Variants in SCGN observed in about 807,000 individuals in gnomAD.
SCGN encodes the protein secretagogin, EF-hand calcium binding protein.
Under a neutral mutation model 39.7 loss-of-function variants are expected in SCGN, and 30 were observed. The ratio of observed to expected loss-of-function variants is 0.76; its 90% CI spans 0.57 to 1.03. The LOEUF is 1.03. Among genes scored for constraint, SCGN ranks in the 50% least tolerant of loss-of-function variants. The pLI is 0.00. For missense variants in SCGN, 353 were observed against 349.4 expected (o/e 1.01, Z -0.08); for synonymous variants, 106 against 114.1 (o/e 0.93, Z 0.45).
In SCGN at chr6:25,689,205, A is replaced by G. The variant is rs1253111748; in HGVS notation, c.561A>G (p.Gln187=). 6.3e-7 allele frequency: 1 copy of G among 1,595,156 alleles called. No individual in the cohort carries two copies. Residue 187 remains glutamine (Q), a synonymous_variant, in exon 8 of 11, where the codon CAA becomes CAG. Coordinates refer to ENST00000377961, the MANE Select transcript of SCGN (RefSeq NM_006998.4). Reference sequence around the variant, plus strand: ...CTCTTCAGGAAAACTTCCTTCTCCAATTTAAAATGGATGTAAGTAGTGACA... The same window carrying G: ...CTCTTCAGGAAAACTTCCTTCTCCAGTTTAAAATGGATGTAAGTAGTGACA... ...ILALQENFLL[Q]FKMDACSTEE...
chr6:25,697,192 T>C (rs1418983389), intron 10 of SCGN, among the ~76,000 whole-genome samples: 1 of 152,178 alleles, frequency 6.6e-6, no homozygotes, highest in African/African-American at 2.4e-5. Context: ...AGGTGATAAT[T>C]TGTAAACAAG....
chr6:25,675,102 A>G (rs1320659520), intron 6 of SCGN, among the ~76,000 whole-genome samples: 1 of 152,248 alleles, frequency 6.6e-6, no homozygotes, highest in Non-Finnish European at 1.5e-5. Context: ...CAACAGGCAC[A>G]GTCCAGACCC....
chr6:25,676,261 C>T (rs904276774), intron 6 of SCGN, among the ~76,000 whole-genome samples: 1 of 152,150 alleles, frequency 6.6e-6, no homozygotes, highest in African/African-American at 2.4e-5. Context: ...TGTCTCTTAC[C>T]ATCTCTATGA....
Position 25,681,994 on chromosome 6 carries a change from A to G in SCGN, c.515A>G (p.Asn172Ser). 1.2e-6 allele frequency: 2 copies of G among 1,612,894 alleles called. No homozygotes were observed. The highest frequency in any genetic ancestry group is 1.7e-6 in the Non-Finnish European group (2 of 1,178,838). Residue 172 changes from asparagine (N) to serine (S), a missense_variant, in exon 7 of 11, where the codon AAT becomes AGT. Coordinates refer to ENST00000377961, the MANE Select transcript of SCGN (RefSeq NM_006998.4). ...DRNKDGRLDL[N>S]DLARILALQE... ...AATAAAGATGGTCGGTTGGATCTAAATGACTTAGCAAGGTGAGTTACATGG... is the reference window on the plus strand; with the variant it reads ...AATAAAGATGGTCGGTTGGATCTAAGTGACTTAGCAAGGTGAGTTACATGG...
At chr6:25,660,421 T>C (rs980156749) in intron 2 of SCGN, among the ~76,000 whole-genome samples, 1 of 152,196 alleles carries the variant, frequency 6.6e-6, no homozygotes, top group Non-Finnish European at 1.5e-5. Flanking sequence ...GGGGCCAGAA[T>C]TGTGTTTGGC....
chr6:25,693,600 T>C (rs552769212), intron 10 of SCGN, among the ~76,000 whole-genome samples: 24 of 152,128 alleles, frequency 1.6e-4, no homozygotes, highest in South Asian at 4.1e-4. Flanking sequence ...TAATCCTGTC[T>C]AAAACAATAA....
chr6:25,687,769 C>T (rs879833687), intron 7 of SCGN, among the ~76,000 whole-genome samples: 25 of 152,088 alleles, frequency 1.6e-4, no homozygotes, highest in Admixed American at 2.0e-4. Flanking sequence ...TAAAATTCTT[C>T]TGTCCTTCCA....
At position 25,652,221 on chromosome 6, in the gene SCGN, G is replaced by A. The variant is rs1283306271; in HGVS notation, c.-183G>A. On this transcript the variant is annotated 5_prime_UTR_variant, in exon 1 of 11. Transcript: ENST00000377961. ...GCTTCCAGCCGCTGGTTTTGCTGAG[G>A]GCTGAGGGACGGCTCAGCGACGCCA... The A allele has an allele frequency of 5.2e-6, 3 of 581,224 alleles. No individual in the cohort carries two copies. The East Asian group carries it at 8.8e-5, about 17-fold the overall frequency. The allele number at this position is 581,224 out of a possible 1,614,324, so 36.0% of individuals were successfully genotyped here.
At chr6:25,690,802 G>A (rs529211520) in intron 9 of SCGN, among the ~76,000 whole-genome samples, 2 of 152,140 alleles carry the variant, frequency 1.3e-5, no homozygotes, top group South Asian at 2.1e-4. Context: ...TATGTCATAC[G>A]ACTGCAATCT....
intron 7 of SCGN, among the ~76,000 whole-genome samples, chr6:25,687,038 T>C (rs979692495): frequency 1.3e-5 from 2 of 152,178 alleles, no homozygotes; most frequent in Admixed American, 1.3e-4. Flanking sequence ...TTCTATTCCA[T>C]TTATCTACAT....
intron 3 of SCGN, among the ~76,000 whole-genome samples, chr6:25,663,446 C>T (rs772844627): frequency 6.6e-6 from 1 of 152,178 alleles, no homozygotes; most frequent in Admixed American, 6.5e-5. Flanking sequence ...TCTTTACCAA[C>T]ATGGCAGTTA....
At chr6:25,685,248 T>G (rs1759688629) in intron 7 of SCGN, among the ~76,000 whole-genome samples, 1 of 152,186 alleles carries the variant, frequency 6.6e-6, no homozygotes. Flanking sequence ...AGCCACTATG[T>G]TTGTGGCAGT....
At chr6:25,671,879 T>G (rs546168422) in intron 6 of SCGN, among the ~76,000 whole-genome samples, 1 of 152,366 alleles carries the variant, frequency 6.6e-6, no homozygotes, top group Admixed American at 6.5e-5. Context: ...ATCTCGATTT[T>G]ATTGACTTAT....
At chr6:25,682,158 C>T in intron 7 of SCGN, 152 bp downstream of exon 7, 1 of 626,502 alleles carries the variant, frequency 1.6e-6, no homozygotes, top group African/African-American at 1.8e-5. Flanking sequence ...GATTCTAAAT[C>T]TTTTAGGGTA....
chr6:25,659,603 T>C (rs554328968), intron 2 of SCGN, among the ~76,000 whole-genome samples: 2 of 152,338 alleles, frequency 1.3e-5, no homozygotes, highest in South Asian at 4.1e-4. Context: ...GAAGGAATCA[T>C]ACGTTTTGAT....
intron 6 of SCGN, chr6:25,678,676 A>C (rs1393254824): frequency 6.6e-6 from 1 of 152,388 alleles, no homozygotes; most frequent in Non-Finnish European, 1.5e-5. Context: ...CCACCCAGGA[A>C]GTAGGTAGGC....
intron 7 of SCGN, among the ~76,000 whole-genome samples, chr6:25,688,091 A>G (rs1434268451): frequency 6.6e-6 from 1 of 152,350 alleles, no homozygotes; most frequent in East Asian, 1.9e-4. Context: ...TTTAAATCAG[A>G]AAGCAAAAAA....
chr6:25,692,971 G>T (rs1244779716), intron 10 of SCGN, among the ~76,000 whole-genome samples: 2 of 152,086 alleles, frequency 1.3e-5, no homozygotes, highest in Non-Finnish European at 2.9e-5. Flanking sequence ...TTCCAGATCA[G>T]CCATTTATGA....
At chr6:25,681,673 A>G (rs1759638739) in intron 6 of SCGN, among the ~76,000 whole-genome samples, 1 of 152,206 alleles carries the variant, frequency 6.6e-6, no homozygotes, top group Admixed American at 6.5e-5. Context: ...CAGAGTATAG[A>G]CAACATGAAG....
Sources: gnomAD v4.1 joint callset for allele counts (sites outside exome capture counted in the v4.1 genomes callset) on GRCh38, gnomAD v4.1.1 for gene constraint, MANE v1.5 for transcripts, NCBI Gene and HGNC (gene_info 2026-07-23, HGNC 2026-07-21) for gene names.